Variants in IMMP2L observed in about 807,000 individuals in gnomAD.
The protein encoded by IMMP2L is inner mitochondrial membrane peptidase subunit 2.
Under a neutral mutation model 19.3 loss-of-function variants are expected in IMMP2L, and 18 were observed. That is an observed-to-expected ratio of 0.93 (90% confidence interval 0.64 to 1.38). The LOEUF (loss-of-function observed/expected upper bound fraction) is 1.38, where lower values mean the gene tolerates loss of function less well. Ranked by LOEUF, IMMP2L falls within the 40% of genes most tolerant of loss-of-function variation. The pLI is 0.00. For synonymous variants in IMMP2L, 76 were observed against 73.0 expected, an observed-to-expected ratio of 1.04 and a Z score of -0.21; for missense variants, 233 against 218.2, an observed-to-expected ratio of 1.07 and a Z score of -0.43.
chr7:111,530,773 T>G (rs536335689), intron 1 of IMMP2L, among the ~76,000 whole-genome samples: 1 of 152,240 alleles, frequency 6.6e-6, no homozygotes, highest in African/African-American at 2.4e-5. Flanking sequence ...TGTTTCTGTA[T>G]GTTTAAAATT....
At chr7:111,440,360 T>G (rs546393459) in intron 3 of IMMP2L, among the ~76,000 whole-genome samples, 1 of 152,028 alleles carries the variant, frequency 6.6e-6, no homozygotes, top group African/African-American at 2.4e-5. Flanking sequence ...GCCAAAATTA[T>G]TCCGTGATCC....
intron 3 of IMMP2L, among the ~76,000 whole-genome samples, chr7:111,131,676 G>A (rs1801861210): frequency 6.6e-6 from 1 of 151,826 alleles, no homozygotes; most frequent in African/African-American, 2.4e-5. Flanking sequence ...ACATATAAAT[G>A]TGTATAATAC....
chr7:111,473,245 C>A (rs577853729), intron 3 of IMMP2L, among the ~76,000 whole-genome samples: 1 of 152,206 alleles, frequency 6.6e-6, no homozygotes, highest in South Asian at 2.1e-4. Flanking sequence ...CTTTCCATGG[C>A]GATCTGCATG....
intron 3 of IMMP2L, among the ~76,000 whole-genome samples, chr7:111,358,416 A>T (rs1828927971): frequency 6.8e-6 from 1 of 147,042 alleles, no homozygotes; most frequent in African/African-American, 2.7e-5. Context: ...GACAAAAGTG[A>T]CTGATTCTGA....
intron 3 of IMMP2L, among the ~76,000 whole-genome samples, chr7:110,981,554 A>T (rs1318237103): frequency 5.9e-5 from 9 of 151,922 alleles, no homozygotes; most frequent in Non-Finnish European, 1.3e-4. Context: ...AAAAAAACCT[A>T]GTACTTTTTA....
At chr7:111,026,013 A>C (rs920332009) in intron 3 of IMMP2L, among the ~76,000 whole-genome samples, 1 of 148,518 alleles carries the variant, frequency 6.7e-6, no homozygotes, top group African/African-American at 2.5e-5. Context: ...GCTAATATTA[A>C]ACACACACAC....
At chr7:110,884,285 C>A (rs1217413468) in intron 5 of IMMP2L, among the ~76,000 whole-genome samples, 1 of 151,950 alleles carries the variant, frequency 6.6e-6, no homozygotes, top group African/African-American at 2.4e-5. Flanking sequence ...ACACTAATTT[C>A]TTTCACAGAG....
chr7:111,106,565 A>ATC (rs1309266883), intron 3 of IMMP2L, among the ~76,000 whole-genome samples: 1 of 151,408 alleles, frequency 6.6e-6, no homozygotes, highest in Non-Finnish European at 1.5e-5. Flanking sequence ...GCTTGAGTGA[A>ATC]AGGCTTGCTA....
At chr7:111,402,173 T>A (rs186916758) in intron 3 of IMMP2L, among the ~76,000 whole-genome samples, 6 of 140,802 alleles carry the variant, frequency 4.3e-5, no homozygotes, top group South Asian at 2.2e-4. Flanking sequence ...AATAATAATA[T>A]TAAGTTAGGA....
chr7:110,886,756 T>C, intron 4 of IMMP2L, 61 bp from the exon 5 acceptor site: 4 of 782,718 alleles, frequency 5.1e-6, no homozygotes, highest in Non-Finnish European at 9.0e-6. Flanking sequence ...CTGCTGGGCA[T>C]ACAAACTTAG....
intron 5 of IMMP2L, among the ~76,000 whole-genome samples, chr7:110,686,772 C>T (rs972018288): frequency 7.2e-5 from 11 of 152,014 alleles, no homozygotes; most frequent in Admixed American, 5.3e-4. Context: ...CTTCCCTGAA[C>T]GAACACAGTA....
intron 5 of IMMP2L, among the ~76,000 whole-genome samples, chr7:110,746,302 T>C (rs892883934): frequency 6.6e-6 from 1 of 152,086 alleles, no homozygotes; most frequent in Non-Finnish European, 1.5e-5. Flanking sequence ...CACATAATAA[T>C]AGTGGGAGAC....
At chr7:111,100,666 A>C (rs897222811) in intron 3 of IMMP2L, among the ~76,000 whole-genome samples, 1 of 151,246 alleles carries the variant, frequency 6.6e-6, no homozygotes, top group Non-Finnish European at 1.5e-5. Context: ...TAGAGCCAAA[A>C]GATAAAAATT....
chr7:111,551,044 A>C (rs757533671), intron 1 of IMMP2L, among the ~76,000 whole-genome samples: 1 of 152,204 alleles, frequency 6.6e-6, no homozygotes, highest in South Asian at 2.1e-4. Flanking sequence ...AAATTATCCT[A>C]AAATACAAAA....
chr7:110,870,208 G>A lies in IMMP2L; in HGVS notation c.408+16385C>T, dbSNP rs1053321668. Among the ~76,000 whole-genome samples, 2 of 152,074 alleles carry A rather than the reference G, an allele frequency of 1.3e-5. No homozygotes were observed. Among genetic ancestry groups the A allele is most frequent in the African/African-American group, 2.4e-5 (1 of 41,440 alleles). On this transcript the variant is annotated intron_variant, in intron 5 of 5. Coordinates refer to ENST00000405709, the MANE Select transcript of IMMP2L (RefSeq NM_032549.4). The surrounding 1 kb of genome is among the most constrained non-coding windows in gnomAD (Gnocchi z 4.2). ...TTCTGAAAAGTGCATCATGTCAGGA[G>A]CCTTCTTCCAATCTCCACTAACCAT...
chr7:111,436,184 G>C (rs771480392), intron 3 of IMMP2L, among the ~76,000 whole-genome samples: 4 of 151,656 alleles, frequency 2.6e-5, no homozygotes, highest in Admixed American at 2.6e-4. Flanking sequence ...AACCTGTCCA[G>C]TAAGACTCCA....
At chr7:111,202,961 T>C (rs116962708) in intron 3 of IMMP2L, among the ~76,000 whole-genome samples, 6,499 of 152,274 alleles carry the variant, frequency 0.043, 202 homozygotes, top group South Asian at 0.083. Flanking sequence ...TATTGATCTC[T>C]TGCCCTAAAC....
At position 111,524,080 on chromosome 7, in the gene IMMP2L, C is replaced by T. The variant is rs78151469; in HGVS notation, c.-2-2631G>A. Among the ~76,000 whole-genome samples the T allele has an allele frequency of 3.0e-4, 46 of 152,140 alleles. No individual in the cohort carries two copies. In the East Asian group the frequency reaches 8.5e-3, roughly 28 times the overall value. On this transcript the variant is annotated intron_variant, in intron 1 of 5. Transcript: ENST00000405709. ...AAAAGAATAACCTTGACATATTTAT[C>T]AAATCAGTACCTTCAAGATGCAAAA...
At chr7:111,051,265 T>G (rs12538761) in intron 3 of IMMP2L, among the ~76,000 whole-genome samples, 58,430 of 152,090 alleles carry the variant, frequency 0.38, 13,651 homozygotes, top group East Asian at 0.59. Flanking sequence ...AGCATTTTAA[T>G]AAAACTATGC....
Sources: gnomAD v4.1 joint callset for allele counts (sites outside exome capture counted in the v4.1 genomes callset) on GRCh38, gnomAD v4.1.1 for gene constraint, Gnocchi (gnomAD v3.1) non-coding constraint, MANE v1.5 for transcripts, NCBI Gene and HGNC (gene_info 2026-07-23, HGNC 2026-07-21) for gene names.